The following PRDM16 variants were observed in gnomAD, a reference collection of about 807,000 sequenced individuals.
The protein encoded by PRDM16 is histone-lysine N-methyltransferase PRDM16.
PRDM16 carries 23 observed loss-of-function variants against 110.6 expected under a neutral mutation model. The ratio of observed to expected loss-of-function variants is 0.21; its 90% CI spans 0.15 to 0.29. The LOEUF is 0.29. PRDM16 is among the 10% of genes least tolerant of loss of function. PRDM16 has a pLI of 1.00. For missense variants in PRDM16, 1,615 were observed against 1,794.3 expected, an observed-to-expected ratio of 0.90 and a Z score of 1.81; for synonymous variants, 799 against 781.8, an observed-to-expected ratio of 1.02 and a Z score of -0.37.
Position 3,195,161 on chromosome 1 carries a change from G to A in PRDM16, c.387+8687G>A, listed in dbSNP as rs150935785. 1.6e-4 allele frequency among the ~76,000 whole-genome samples: 25 copies of A among 152,308 alleles called. No homozygotes were observed. In the East Asian group the frequency reaches 1.7e-3, roughly 11 times the overall value. On this transcript the variant is annotated intron_variant, in intron 2 of 16. Transcript: ENST00000270722. ...GGATGGTGCGGAGCCTGAGGCCACC[G>A]TGGGGACAGGGATGCAGAGAAACCC... is the stretch of plus-strand genomic sequence containing the variant.
At chr1:3,189,052 G>C (rs115109932) in intron 2 of PRDM16, among the ~76,000 whole-genome samples, 6 of 152,212 alleles carry the variant, frequency 3.9e-5, no homozygotes, top group Non-Finnish European at 4.4e-5. Context: ...AGGTGGCCCC[G>C]GAGGGAGAAG....
rs973630544 is a variant in PRDM16 at position 3,396,266 on chromosome 1, C to T, written c.574-225C>T. ...ATCCTACCTGTTTAGTCGGCCACCC[C>T]CTTTATGAATATCCTAAAACCCAAT... is the stretch of plus-strand genomic sequence containing the variant. On this transcript the variant is annotated intron_variant, in intron 4 of 16. Coordinates refer to ENST00000270722, the MANE Select transcript of PRDM16 (RefSeq NM_022114.4). The T allele has an allele frequency of 1.0e-5, 6 of 600,882 alleles. No homozygotes were observed. In the East Asian group the frequency reaches 1.4e-4, roughly 14 times the overall value. The allele number at this position is 600,882 out of a possible 1,614,324, so 37.2% of individuals were successfully genotyped here. A position where few individuals can be genotyped will look rare whatever the true frequency, so the allele number is the denominator to read the frequency against.
rs1639767991 is a variant in PRDM16, at chr1:3,245,354, AG to A, written c.438+1221del. Among the ~76,000 whole-genome samples the A allele has an allele frequency of 6.6e-6, 1 of 152,204 alleles. No individual in the cohort carries two copies. Among genetic ancestry groups the A allele is most frequent in the Admixed American group, 6.5e-5 (1 of 15,290 alleles). On this transcript the variant is annotated intron_variant, in intron 3 of 16. Transcript: ENST00000270722. The surrounding 1 kb of genome is among the most constrained non-coding windows in gnomAD (Gnocchi z 4.7). ...TTGGGCAGAGCTGCCTACGAGGGAC[AG>A]GGGACCCACCATCTGGGCAGAGCTA...
chr1:3,327,427 C>T (rs1476201813), intron 3 of PRDM16, among the ~76,000 whole-genome samples: 1 of 152,220 alleles, frequency 6.6e-6, no homozygotes, highest in African/African-American at 2.4e-5. Flanking sequence ...CAGCCCCCGC[C>T]CTGCCCTCCC....
At chr1:3,415,616 G>A (rs924017232) in intron 10 of PRDM16, among the ~76,000 whole-genome samples, 1 of 152,380 alleles carries the variant, frequency 6.6e-6, no homozygotes, top group East Asian at 1.9e-4. Context: ...GTTTGTTTGT[G>A]CGGGGAGCGA....
At chr1:3,129,051 T>C (rs2817175) in intron 1 of PRDM16, among the ~76,000 whole-genome samples, 83,704 of 151,986 alleles carry the variant, frequency 0.55, 25,566 homozygotes, top group African/African-American at 0.83. Flanking sequence ...GTCTGGTGCA[T>C]GTGTGTGTGG....
At chr1:3,155,129 C>T (rs1364868911) in intron 1 of PRDM16, among the ~76,000 whole-genome samples, 2 of 152,138 alleles carry the variant, frequency 1.3e-5, no homozygotes, top group African/African-American at 4.8e-5. Flanking sequence ...TGGAGTCTTC[C>T]TTAGGGACCC....
rs1337698849 is a variant in PRDM16, at chr1:3,175,055, G to A, written c.38-11070G>A. On this transcript the variant is annotated intron_variant, in intron 1 of 16. Transcript: ENST00000270722. This position sits in a 1 kb window ranked among gnomAD's most constrained non-coding sequence, Gnocchi z 4.8. ...GGGCTGGTCAGAAGGTGGGACCAGCGGCCAAGGCTCCTCCTAGCACCATTT... is the reference window on the plus strand; with the variant it reads ...GGGCTGGTCAGAAGGTGGGACCAGCAGCCAAGGCTCCTCCTAGCACCATTT... Among the ~76,000 whole-genome samples the A allele has an allele frequency of 1.3e-5, 2 of 152,160 alleles. No individual in the cohort carries two copies. The highest frequency in any genetic ancestry group is 2.4e-5 in the African/African-American group (1 of 41,432).
chr1:3,380,960 G>A (rs766230910), intron 3 of PRDM16, among the ~76,000 whole-genome samples: 1 of 152,214 alleles, frequency 6.6e-6, no homozygotes, highest in Non-Finnish European at 1.5e-5. Context: ...TCAGTGGCCG[G>A]ATCACAGGCA....
intron 1 of PRDM16, 111 bp from the exon 2 acceptor site, chr1:3,186,014 C>T (rs1310023366): frequency 1.3e-5 from 12 of 909,714 alleles, no homozygotes; most frequent in Non-Finnish European, 1.8e-5. Flanking sequence ...GCCTTCTGGG[C>T]CCCTGAGCAC....
At chr1:3,416,338 C>G (rs1344549867) in intron 10 of PRDM16, among the ~76,000 whole-genome samples, 1 of 152,204 alleles carries the variant, frequency 6.6e-6, no homozygotes, top group Non-Finnish European at 1.5e-5. Flanking sequence ...CTCTGAGAGA[C>G]CCCAGCCGCG....
intron 3 of PRDM16, among the ~76,000 whole-genome samples, chr1:3,259,136 G>A (rs1175008608): frequency 1.3e-5 from 2 of 152,130 alleles, no homozygotes; most frequent in African/African-American, 4.8e-5. Flanking sequence ...GGGATGAGCA[G>A]TACCTCCGTC....
intron 3 of PRDM16, among the ~76,000 whole-genome samples, chr1:3,384,710 C>G (rs1233983123): frequency 6.6e-6 from 1 of 152,236 alleles, no homozygotes; most frequent in African/African-American, 2.4e-5. Flanking sequence ...CATGCACACA[C>G]ACATGCACAC....
chr1:3,365,788 A>G (rs1433461915), intron 3 of PRDM16, among the ~76,000 whole-genome samples: 1 of 152,224 alleles, frequency 6.6e-6, no homozygotes, highest in African/African-American at 2.4e-5. Flanking sequence ...CATTTGTGCT[A>G]ATCAGAGCCG....
chr1:3,172,032 A>C (rs1644031547), intron 1 of PRDM16, among the ~76,000 whole-genome samples: 1 of 152,158 alleles, frequency 6.6e-6, no homozygotes, highest in African/African-American at 2.4e-5. Flanking sequence ...GAGGTACTCA[A>C]CGGCTCCACG....
intron 1 of PRDM16, among the ~76,000 whole-genome samples, chr1:3,170,109 G>A (rs1644008739): frequency 6.6e-6 from 1 of 152,152 alleles, no homozygotes; most frequent in Non-Finnish European, 1.5e-5. Context: ...ATGAATCTGA[G>A]GGCAGCTGAG....
At position 3,154,138 on chromosome 1, in the gene PRDM16, A is replaced by G. The variant is rs207196; in HGVS notation, c.38-31987A>G. Among the ~76,000 whole-genome samples, 64 of 152,140 alleles carry G rather than the reference A, an allele frequency of 4.2e-4. 2 individuals are homozygous for G. Among genetic ancestry groups the G allele is most frequent in the African/African-American group, 1.3e-3 (54 of 41,502 alleles). ...CCACTGGGCCCTGCTGCTGTTTCCC[A>G]TGTGCACCGCTGTGGCTGTCACCGG... On this transcript the variant is annotated intron_variant, in intron 1 of 16. Coordinates refer to ENST00000270722, the MANE Select transcript of PRDM16 (RefSeq NM_022114.4).
At chr1:3,426,576 A>C (rs1463184073) in intron 14 of PRDM16, among the ~76,000 whole-genome samples, 2 of 152,200 alleles carry the variant, frequency 1.3e-5, no homozygotes, top group African/African-American at 4.8e-5. Context: ...TGAGGCACTA[A>C]AGATTTCCAA....
chr1:3,268,015 A>G (rs751791892), intron 3 of PRDM16, among the ~76,000 whole-genome samples: 14 of 152,268 alleles, frequency 9.2e-5, no homozygotes, highest in Middle Eastern at 3.4e-3. Flanking sequence ...AAAACAGCCA[A>G]CCTGGGTGCA....
Sources: gnomAD v4.1 joint callset for allele counts (sites outside exome capture counted in the v4.1 genomes callset) on GRCh38, gnomAD v4.1.1 for gene constraint, Gnocchi (gnomAD v3.1) non-coding constraint, MANE v1.5 for transcripts, NCBI Gene and HGNC (gene_info 2026-07-23, HGNC 2026-07-21) for gene names.